LUC7L2: variants seen among roughly 807,000 people sequenced by gnomAD.
LUC7L2 encodes the protein LUC7 like 2, pre-mRNA splicing factor.
In LUC7L2, 25 loss-of-function variants were observed where a neutral mutation model predicts 52.8. The observed-to-expected ratio is 0.47, with a 90% CI of 0.34 to 0.66. The LOEUF (loss-of-function observed/expected upper bound fraction) is 0.66. LUC7L2 is among the 30% of genes least tolerant of loss of function. The pLI is 0.01. For missense variants in LUC7L2, 328 were observed against 497.8 expected, an observed-to-expected ratio of 0.66 and a Z score of 3.25; for synonymous variants, 144 against 160.9, an observed-to-expected ratio of 0.89 and a Z score of 0.80.
At chr7:139,358,506 TTTC>T (rs1340615542), upstream of LUC7L2, among the ~76,000 whole-genome samples, 1 of 152,084 alleles carries the variant, frequency 6.6e-6, no homozygotes, top group Non-Finnish European at 1.5e-5. Context: ...CAGTTTTAAA[TTTC>T]TTTTTAGGCG....
chr7:139,348,775 C>G (rs1482853922), intron 1 of LUC7L2, among the ~76,000 whole-genome samples: 1 of 152,090 alleles, frequency 6.6e-6, no homozygotes, highest in African/African-American at 2.4e-5. Flanking sequence ...GATTTGTGAT[C>G]TTGGGCAGGT....
intron 4 of LUC7L2, 87 bp from the exon 5 acceptor site, chr7:139,405,557 A>G: frequency 1.4e-6 from 2 of 1,447,882 alleles, no homozygotes; most frequent in Non-Finnish European, 1.8e-6. Flanking sequence ...TTAGATAACA[A>G]GTTTTTTCTC....
At chr7:139,347,101 C>T (rs1170861431) in intron 1 of LUC7L2, among the ~76,000 whole-genome samples, 1 of 152,096 alleles carries the variant, frequency 6.6e-6, no homozygotes, top group Admixed American at 6.6e-5. Flanking sequence ...ACTTATTTAC[C>T]TTTGGCTCCT....
chr7:139,374,714 T>C, intron 1 of LUC7L2: 1 of 1,312,862 alleles, frequency 7.6e-7, no homozygotes, highest in Non-Finnish European at 9.7e-7. Flanking sequence ...TTATATACCC[T>C]GGTTGCAAAT....
Position 139,417,459 on chromosome 7 carries a change from C to T in LUC7L2, c.810-79C>T. On this transcript the variant is annotated intron_variant, in intron 8 of 9. Transcript: ENST00000354926. ...CATTAAGACTACTGAAAAAAAGTTT[C>T]TCTTTAAAGAAAAGGCTTTAATAAA... The T allele has an allele frequency of 2.6e-6, 4 of 1,521,796 alleles. No homozygotes were observed. The South Asian group carries it at 4.0e-5, about 15-fold the overall frequency. 94.3% of individuals were successfully genotyped at this position (1,521,796 alleles called of 1,614,324 possible). A position where few individuals can be genotyped will look rare whatever the true frequency, so the allele number is the denominator to read the frequency against.
intron 4 of LUC7L2, among the ~76,000 whole-genome samples, chr7:139,403,540 G>T (rs759399702): frequency 3.9e-5 from 6 of 152,070 alleles, no homozygotes; most frequent in African/African-American, 4.8e-5. Context: ...TGAAGATGGG[G>T]ACTGGAAAGA....
At chr7:139,379,245 T>C (rs929242042) in intron 2 of LUC7L2, among the ~76,000 whole-genome samples, 13 of 152,182 alleles carry the variant, frequency 8.5e-5, no homozygotes, top group East Asian at 1.9e-4. Flanking sequence ...TACATACTTA[T>C]AGCCCCAGCT....
chr7:139,360,355 AG>A, intron 1 of LUC7L2, 33 bp downstream of exon 1: 1 of 1,268,880 alleles, frequency 7.9e-7, no homozygotes, highest in Non-Finnish European at 1.1e-6. Context: ...GGGGTGGGGG[AG>A]GGGACGGGGA....
rs1799798498 is a variant in LUC7L2, at chr7:139,360,301, T to C, written c.40T>C (p.Leu14=). 1.3e-6 allele frequency: 2 copies of C among 1,573,322 alleles called. No individual in the cohort carries two copies. Among genetic ancestry groups the C allele is most frequent in the Non-Finnish European group, 1.7e-6 (2 of 1,160,412 alleles). ...CCAGATGCGCGCGATGCTGGACCAG[T>C]TGATGGGCACCTCCCGGGACGGTAA... ...QAQMRAMLDQ[L]MGTSRDGDTT... Residue 14 remains leucine (L), a synonymous_variant, in exon 1 of 10, where the codon TTG becomes CTG. Transcript: ENST00000354926.
intron 1 of LUC7L2, among the ~76,000 whole-genome samples, chr7:139,360,938 G>A (rs1475460334): frequency 6.6e-6 from 1 of 152,130 alleles, no homozygotes; most frequent in African/African-American, 2.4e-5. Context: ...CTGTTTTTCC[G>A]AGAGACCTCC....
Position 139,407,191 on chromosome 7 carries a change from T to A in LUC7L2, c.528T>A (p.Ser176=), listed in dbSNP as rs1320107416. 2 of 1,609,986 alleles carry A rather than the reference T, an allele frequency of 1.2e-6. No homozygotes were observed. The highest frequency in any genetic ancestry group is 1.7e-6 in the Non-Finnish European group (2 of 1,177,994). Residue 176 remains serine, a synonymous_variant, in exon 6 of 10, where the codon TCT becomes TCA. Transcript: ENST00000354926. ...KREAEEVYRN[S]MPASSFQQQK... Reference sequence around the variant, plus strand: ...TTGTTTAGGAAGTTTATCGGAATTCTATGCCAGCTTCCAGTTTTCAGCAGC... The same window carrying A: ...TTGTTTAGGAAGTTTATCGGAATTCAATGCCAGCTTCCAGTTTTCAGCAGC...
chr7:139,365,297 A>C (rs1036229111), intron 1 of LUC7L2, among the ~76,000 whole-genome samples: 1 of 152,346 alleles, frequency 6.6e-6, no homozygotes, highest in Admixed American at 6.5e-5. Context: ...TCAAGTAAGC[A>C]TATGCTTCTG....
intron 2 of LUC7L2, among the ~76,000 whole-genome samples, chr7:139,391,869 G>A (rs1794464660): frequency 6.6e-6 from 1 of 152,142 alleles, no homozygotes; most frequent in African/African-American, 2.4e-5. Flanking sequence ...CTACAGGTGT[G>A]AGCCACCACG....
intron 2 of LUC7L2, among the ~76,000 whole-genome samples, chr7:139,376,654 T>A (rs1394156477): frequency 6.6e-6 from 1 of 152,206 alleles, no homozygotes; most frequent in Non-Finnish European, 1.5e-5. Context: ...CAATTTAGAT[T>A]CTATGTCTGC....
Position 139,405,697 on chromosome 7 carries a change from G to A in LUC7L2, c.420G>A (p.Val140=), listed in dbSNP as rs567225314. 3 of 1,612,766 alleles carry A rather than the reference G, an allele frequency of 1.9e-6. No individual in the cohort carries two copies. In the South Asian group the frequency reaches 3.3e-5, roughly 18 times the overall value. ...AAATTGGTAAATTGTTAGCCAAGGT[G>A]GAACAACTAGGAGCTGAAGGGAATG... is the stretch of plus-strand genomic sequence containing the variant. ...NEEIGKLLAK[V]EQLGAEGNVE... Residue 140 remains valine (V), a synonymous_variant, in exon 5 of 10, where the codon GTG becomes GTA. Transcript: ENST00000354926.
chr7:139,419,097 G>A (rs1166827721), intron 9 of LUC7L2, among the ~76,000 whole-genome samples: 2 of 150,020 alleles, frequency 1.3e-5, no homozygotes, highest in East Asian at 1.9e-4. Flanking sequence ...GTGACAGAGC[G>A]AGACTCCAGC....
At chr7:139,378,837 C>G (rs956261208) in intron 2 of LUC7L2, among the ~76,000 whole-genome samples, 19 of 152,176 alleles carry the variant, frequency 1.2e-4, no homozygotes, top group Admixed American at 1.1e-3. Flanking sequence ...TCACAACGTC[C>G]TTTACGTGGT....
upstream of LUC7L2, among the ~76,000 whole-genome samples, chr7:139,355,140 T>C (rs1442588694): frequency 2.6e-5 from 4 of 151,750 alleles, no homozygotes; most frequent in African/African-American, 9.7e-5. Context: ...GGATTACAGG[T>C]GTGAGCCATG....
intron 5 of LUC7L2, 54 bp downstream of exon 5, chr7:139,405,841 T>A: frequency 6.6e-7 from 1 of 1,523,992 alleles, no homozygotes; most frequent in Non-Finnish European, 8.8e-7. Flanking sequence ...AGACTACAAA[T>A]AAAAAGTAGT....
Sources: gnomAD v4.1 joint callset for allele counts (sites outside exome capture counted in the v4.1 genomes callset) on GRCh38, gnomAD v4.1.1 for gene constraint, MANE v1.5 for transcripts, NCBI Gene and HGNC (gene_info 2026-07-23, HGNC 2026-07-21) for gene names.